GRM8: variants seen among roughly 807,000 people sequenced by gnomAD.
GRM8 encodes metabotropic glutamate receptor 8.
In GRM8, 47 loss-of-function variants were observed where a neutral mutation model predicts 87.2. That is an observed-to-expected ratio of 0.54 (90% CI 0.43 to 0.69). The LOEUF is 0.69. Among genes scored for constraint, GRM8 ranks in the 30% least tolerant of loss-of-function variants. GRM8 has a pLI of 0.00. For missense variants in GRM8, 1,019 were observed against 1,139.2 expected, an observed-to-expected ratio of 0.89 and a Z score of 1.52; for synonymous variants, 396 against 404.5, an observed-to-expected ratio of 0.98 and a Z score of 0.25.
chr7:126,781,036 T>G (rs980411872), intron 6 of GRM8, among the ~76,000 whole-genome samples: 1 of 152,156 alleles, frequency 6.6e-6, no homozygotes, highest in Non-Finnish European at 1.5e-5. Context: ...ATGGGCACCA[T>G]AGCAAAGAGT....
At chr7:126,523,794 G>A (rs1012659614) in intron 9 of GRM8, among the ~76,000 whole-genome samples, 2 of 151,940 alleles carry the variant, frequency 1.3e-5, no homozygotes, top group African/African-American at 4.8e-5. Flanking sequence ...ACCATGCCCG[G>A]CCAGACCCCT....
intron 2 of GRM8, among the ~76,000 whole-genome samples, chr7:127,139,837 C>A (rs930288937): frequency 1.3e-5 from 2 of 152,082 alleles, no homozygotes; most frequent in Non-Finnish European, 2.9e-5. Flanking sequence ...CTGGAAAGGC[C>A]ATGTGATCCC....
At chr7:127,130,029 G>T (rs775989989) in intron 2 of GRM8, among the ~76,000 whole-genome samples, 1 of 152,136 alleles carries the variant, frequency 6.6e-6, no homozygotes, top group African/African-American at 2.4e-5. Flanking sequence ...TCTCATGATA[G>T]AGAGTTCTCA....
At chr7:126,956,885 C>T (rs1209598009) in intron 3 of GRM8, among the ~76,000 whole-genome samples, 1 of 152,182 alleles carries the variant, frequency 6.6e-6, no homozygotes, top group Admixed American at 6.5e-5. Context: ...GAACATTTCA[C>T]TCAATACAGA....
intron 7 of GRM8, among the ~76,000 whole-genome samples, chr7:126,718,130 G>C (rs879563121): frequency 6.6e-6 from 1 of 152,024 alleles, no homozygotes; most frequent in Admixed American, 6.6e-5. Context: ...CCAGCTACTC[G>C]GGAGGCTGAG....
At chr7:126,790,002 A>C (rs1585942665) in intron 6 of GRM8, among the ~76,000 whole-genome samples, 1 of 148,728 alleles carries the variant, frequency 6.7e-6, no homozygotes. Flanking sequence ...GTGAGAACAC[A>C]TTCTCTCTCT....
At chr7:127,205,894 T>A (rs997651192) in intron 2 of GRM8, among the ~76,000 whole-genome samples, 1 of 152,050 alleles carries the variant, frequency 6.6e-6, no homozygotes, top group Admixed American at 6.6e-5. Context: ...CAAAATAGGT[T>A]CCTCTTTTTT....
At chr7:127,114,252 C>T (rs1826564259) in intron 2 of GRM8, among the ~76,000 whole-genome samples, 1 of 152,100 alleles carries the variant, frequency 6.6e-6, no homozygotes, top group Non-Finnish European at 1.5e-5. Context: ...GGATGTGAGC[C>T]TTTGGGTTTT....
chr7:127,070,038 T>C (rs1821520252), intron 3 of GRM8, among the ~76,000 whole-genome samples: 1 of 152,244 alleles, frequency 6.6e-6, no homozygotes, highest in Non-Finnish European at 1.5e-5. Context: ...CATCACGATT[T>C]ATTACCAATC....
intron 3 of GRM8, among the ~76,000 whole-genome samples, chr7:126,993,756 A>C (rs751805832): frequency 2.6e-5 from 4 of 152,212 alleles, no homozygotes; most frequent in Non-Finnish European, 5.9e-5. Flanking sequence ...TGATGAACTC[A>C]GCCAGTGCCC....
At chr7:127,075,945 C>A in intron 3 of GRM8, 1 of 322,460 alleles carries the variant, frequency 3.1e-6, no homozygotes, top group South Asian at 2.7e-5. Context: ...GAGCACCCAG[C>A]AGAAGGCCTG....
chr7:126,881,033 G>A (rs1364426913), intron 6 of GRM8, among the ~76,000 whole-genome samples: 1 of 152,132 alleles, frequency 6.6e-6, no homozygotes, highest in Non-Finnish European at 1.5e-5. Flanking sequence ...TGGCATGCTA[G>A]TGCTAGTGAT....
intron 3 of GRM8, among the ~76,000 whole-genome samples, chr7:126,910,307 C>A (rs1183051786): frequency 6.6e-6 from 1 of 151,716 alleles, no homozygotes; most frequent in Non-Finnish European, 1.5e-5. Context: ...TCTTTTTCTT[C>A]TTCAATTAGA....
At chr7:127,241,456 C>A (rs1326110295) in intron 2 of GRM8, among the ~76,000 whole-genome samples, 2 of 137,174 alleles carry the variant, frequency 1.5e-5, no homozygotes, top group African/African-American at 5.6e-5. Context: ...TTTTTTGAGA[C>A]AGAGTCTTGC....
At position 126,778,478 on chromosome 7, in the gene GRM8, C is replaced by T. The variant is rs141302370; in HGVS notation, c.1157-8413G>A. Among the ~76,000 whole-genome samples, 1,501 of 151,962 alleles carry T rather than the reference C, an allele frequency of 9.9e-3. 16 individuals carry two copies. Among genetic ancestry groups the T allele is most frequent in the Non-Finnish European group, 0.015 (991 of 67,996 alleles). ...AAGAGTGTATCTTCAGGCAAAACAA[C>T]CAGTTTAAAAGAAAGACTTTCAGAA... On this transcript the variant is annotated intron_variant, in intron 6 of 10. Transcript: ENST00000339582.
intron 7 of GRM8, among the ~76,000 whole-genome samples, chr7:126,662,288 G>A (rs745671028): frequency 6.6e-6 from 1 of 152,144 alleles, no homozygotes; most frequent in Non-Finnish European, 1.5e-5. Context: ...GATTGGGAGT[G>A]TGAAAATGAA....
Position 126,584,437 on chromosome 7 carries a change from T to A in GRM8, c.1494+24925A>T, listed in dbSNP as rs539195740. On this transcript the variant is annotated intron_variant, in intron 8 of 10. Transcript: ENST00000339582. ...ACAGGGACTCACCTTAATGTGCATG[T>A]CTGACACTAACCTGTAATATCTCTG... 2.6e-5 allele frequency among the ~76,000 whole-genome samples: 4 copies of A among 152,234 alleles called. No individual in the cohort carries two copies. The South Asian group carries it at 8.3e-4, about 32-fold the overall frequency.
chr7:126,473,880 C>G (rs1805592579), intron 9 of GRM8, among the ~76,000 whole-genome samples: 1 of 152,100 alleles, frequency 6.6e-6, no homozygotes, highest in African/African-American at 2.4e-5. Flanking sequence ...ACTCTCTTGC[C>G]TGTCACAAGG....
At chr7:126,961,953 T>A (rs1024268775) in intron 3 of GRM8, among the ~76,000 whole-genome samples, 5 of 152,184 alleles carry the variant, frequency 3.3e-5, no homozygotes, top group African/African-American at 9.7e-5. Context: ...CAACTAGAAA[T>A]GAAGCAGCTT....
Sources: gnomAD v4.1 joint callset for allele counts (sites outside exome capture counted in the v4.1 genomes callset) on GRCh38, gnomAD v4.1.1 for gene constraint, MANE v1.5 for transcripts, NCBI Gene and HGNC (gene_info 2026-07-23, HGNC 2026-07-21) for gene names.